Variants in MCTP2 observed in about 807,000 individuals in gnomAD.
MCTP2 encodes the protein multiple C2 and transmembrane domain containing 2, also known as multiple C2 and transmembrane domain-containing protein 2.
In MCTP2, 132 loss-of-function variants were observed where a neutral mutation model predicts 111.6. The ratio of observed to expected loss-of-function variants is 1.18; its 90% CI spans 1.03 to 1.37. MCTP2 has a LOEUF of 1.37. Ranked by LOEUF, MCTP2 falls within the 40% of genes most tolerant of loss-of-function variation. The pLI is 0.00. For missense variants in MCTP2, 1,183 were observed against 1,067.9 expected (o/e 1.11, Z -1.50); for synonymous variants, 395 against 387.7 (o/e 1.02, Z -0.22).
chr15:94,418,799 AACT>A (rs1252413234), intron 17 of MCTP2, among the ~76,000 whole-genome samples: 1 of 152,146 alleles, frequency 6.6e-6, no homozygotes, highest in Non-Finnish European at 1.5e-5. Flanking sequence ...AGAGAATAAA[AACT>A]AATAAGAAGT....
intron 13 of MCTP2, among the ~76,000 whole-genome samples, 189 bp from the exon 14 acceptor site, chr15:94,385,234 G>GGAAGATTTTT (rs2080389222): frequency 1.3e-5 from 2 of 152,082 alleles, no homozygotes; most frequent in Admixed American, 6.6e-5. Flanking sequence ...TCATATGGAT[G>GGAAGATTTTT]TCTGAATCTT....
At chr15:94,305,235 C>T (rs956112298) in intron 2 of MCTP2, among the ~76,000 whole-genome samples, 2 of 152,138 alleles carry the variant, frequency 1.3e-5, no homozygotes, top group African/African-American at 4.8e-5. Context: ...CTCTCATTCC[C>T]CACCATGTGA....
chr15:94,477,893 T>G lies in MCTP2; in HGVS notation c.2569-1073T>G, dbSNP rs2074497812. On this transcript the variant is annotated intron_variant, in intron 22 of 22. Coordinates refer to ENST00000357742, the MANE Select transcript of MCTP2 (RefSeq NM_001385001.1). ...AAATAATAACCCGGCCCCTGTTTGTTTTGCATTGAAGATTGACAGGTATGT... is the reference window on the plus strand; with the variant it reads ...AAATAATAACCCGGCCCCTGTTTGTGTTGCATTGAAGATTGACAGGTATGT... 2.0e-5 allele frequency among the ~76,000 whole-genome samples: 3 copies of G among 152,170 alleles called. 1 individual carries two copies. The South Asian group carries it at 6.2e-4, about 32-fold the overall frequency.
intron 12 of MCTP2, among the ~76,000 whole-genome samples, chr15:94,371,942 T>C (rs188602897): frequency 1.2e-3 from 190 of 152,318 alleles, no homozygotes; most frequent in Admixed American, 6.1e-3. Flanking sequence ...TTTATAAAGA[T>C]TGTTTCAGGC....
At chr15:94,470,865 T>A (rs2073868281) in intron 21 of MCTP2, among the ~76,000 whole-genome samples, 1 of 152,078 alleles carries the variant, frequency 6.6e-6, no homozygotes, top group Non-Finnish European at 1.5e-5. Context: ...TCATCCCTCT[T>A]GGAGAAAAAA....
intron 17 of MCTP2, among the ~76,000 whole-genome samples, chr15:94,434,093 C>A (rs1217149080): frequency 6.7e-6 from 1 of 149,122 alleles, no homozygotes; most frequent in Non-Finnish European, 1.5e-5. Flanking sequence ...TTGATGAAGT[C>A]TTTTTTTTTT....
At position 94,390,105 on chromosome 15, in the gene MCTP2, T is replaced by C. The variant is rs1307680194; in HGVS notation, c.1788+4580T>C. 1.6e-3 allele frequency among the ~76,000 whole-genome samples: 65 copies of C among 40,180 alleles called. 2 individuals carry two copies. Among genetic ancestry groups the C allele is most frequent in the African/African-American group, 3.6e-3 (62 of 17,174 alleles). The allele number at this position is 40,180 out of a possible 152,430, so 26.4% of individuals were successfully genotyped here. A position where few individuals can be genotyped will look rare whatever the true frequency, so the allele number is the denominator to read the frequency against. On this transcript the variant is annotated intron_variant, in intron 14 of 22. Transcript: ENST00000357742. ...ATATATATATGTATATATATATATA[T>C]ATATATATGTATATATATATATATA...
intron 10 of MCTP2, among the ~76,000 whole-genome samples, chr15:94,367,264 C>G (rs2079235453): frequency 6.6e-6 from 1 of 152,130 alleles, no homozygotes; most frequent in Non-Finnish European, 1.5e-5. Context: ...ATACAGCATG[C>G]TTACTCATAA....
At position 94,356,242 on chromosome 15, in the gene MCTP2, G is replaced by A; in HGVS notation, c.1111G>A (p.Gly371Arg). The change falls in exon 9 of 23, where the codon GGA becomes AGA. Residue 371 changes from glycine (G) to arginine (R), a missense_variant. Gly to Arg is a moderately radical substitution (Grantham distance 125). Transcript: ENST00000357742. The part of the protein sequence containing the change: ...TLLEGKNVSG[G>R]SMTEMFVQLK... ...GTTGGAAGGGAAGAATGTCTCAGGA[G>A]GAAGCATGACAGAGATGTTTGTCCA... 1 of 1,613,200 alleles carries A rather than the reference G, an allele frequency of 6.2e-7. No homozygotes were observed. Among genetic ancestry groups the A allele is most frequent in the Non-Finnish European group, 8.5e-7 (1 of 1,179,548 alleles).
intron 1 of MCTP2, among the ~76,000 whole-genome samples, chr15:94,233,340 C>A (rs1017495522): frequency 6.6e-6 from 1 of 151,982 alleles, no homozygotes; most frequent in Non-Finnish European, 1.5e-5. Flanking sequence ...TGTCTCTTAA[C>A]ATATTTTGAA....
In MCTP2 at chr15:94,257,569, G is replaced by GTTTTTTTTTTTTTTTTTTTTTTTTTTTTT. The variant is rs760633548; in HGVS notation, c.-66+25912_-66+25940dup. Among the ~76,000 whole-genome samples, 31 of 33,860 alleles carry GTTTTTTTTTTTTTTTTTTTTTTTTTTTTT rather than the reference G, an allele frequency of 9.2e-4. 5 individuals carry two copies. The highest frequency in any genetic ancestry group is 1.4e-3 in the Non-Finnish European group (25 of 18,310). The allele number at this position is 33,860 out of a possible 152,430, so 22.2% of individuals were successfully genotyped here. ...AATATTTGTTGTCATTTTCTTTGTT[G>GTTTTTTTTTTTTTTTTTTTTTTTTTTTTT]TTTTTTTTTTTTTTTTTTTTTTTTT... On this transcript the variant is annotated intron_variant, in intron 1 of 22. Coordinates refer to ENST00000357742, the MANE Select transcript of MCTP2 (RefSeq NM_001385001.1).
intron 10 of MCTP2, among the ~76,000 whole-genome samples, chr15:94,363,549 G>T (rs1478783206): frequency 1.3e-5 from 2 of 152,064 alleles, no homozygotes; most frequent in African/African-American, 4.8e-5. Context: ...TTGATGGAGT[G>T]GAAAAATCAG....
At chr15:94,388,080 G>T (rs899927764) in intron 14 of MCTP2, among the ~76,000 whole-genome samples, 1 of 152,210 alleles carries the variant, frequency 6.6e-6, no homozygotes, top group East Asian at 1.9e-4. Context: ...AGTGAAAAAG[G>T]TTGAAGTACT....
chr15:94,302,012 A>T (rs947009311), intron 2 of MCTP2, among the ~76,000 whole-genome samples: 1 of 152,178 alleles, frequency 6.6e-6, no homozygotes, highest in African/African-American at 2.4e-5. Flanking sequence ...AGGAGTTGGC[A>T]TGTGGCAAGC....
In MCTP2 at chr15:94,298,802, CTCCCCA is replaced by C. The variant is rs1445394633; in HGVS notation, c.465+75_465+80del. The stretch of plus-strand genomic sequence containing the variant: ...TCTCTTTCCCTCTCTTTCTCCCTCT[CTCCCCA>C]TCTCCCTCTCTCTTCCCCCCTCCCC... On this transcript the variant is annotated intron_variant, in intron 2 of 22. Coordinates refer to ENST00000357742, the MANE Select transcript of MCTP2 (RefSeq NM_001385001.1). 332 of 965,752 alleles carry C rather than the reference CTCCCCA, an allele frequency of 3.4e-4. 11 individuals carry two copies. The African/African-American group carries it at 4.9e-3, about 14-fold the overall frequency. 59.8% of individuals were successfully genotyped at this position (965,752 alleles called of 1,614,324 possible).
intron 12 of MCTP2, among the ~76,000 whole-genome samples, chr15:94,381,534 G>A (rs1295759938): frequency 6.6e-6 from 1 of 152,202 alleles, no homozygotes; most frequent in Non-Finnish European, 1.5e-5. Flanking sequence ...TGCCTCAACA[G>A]GACCAGGCAG....
At position 94,314,128 on chromosome 15, in the gene MCTP2, C is replaced by T. The variant is rs921402265; in HGVS notation, c.466-154C>T. 7.9e-5 allele frequency among the ~76,000 whole-genome samples: 12 copies of T among 152,240 alleles called. No individual in the cohort carries two copies. In the East Asian group the frequency reaches 9.6e-4, roughly 12 times the overall value. On this transcript the variant is annotated intron_variant, in intron 2 of 22. Coordinates refer to ENST00000357742, the MANE Select transcript of MCTP2 (RefSeq NM_001385001.1). Reference sequence around the variant, plus strand: ...AGCTAGGATGACACCTCTGCATCCACGTCTCCTTGCCACACAAACAGGAAG... The same window carrying T: ...AGCTAGGATGACACCTCTGCATCCATGTCTCCTTGCCACACAAACAGGAAG...
chr15:94,268,443 C>T (rs544291959), intron 1 of MCTP2, among the ~76,000 whole-genome samples: 71 of 148,500 alleles, frequency 4.8e-4, no homozygotes, highest in African/African-American at 1.4e-3. Flanking sequence ...CCACCTGCCT[C>T]GGCCTCCCAA....
At chr15:94,242,827 A>G (rs961509314) in intron 1 of MCTP2, among the ~76,000 whole-genome samples, 4 of 151,148 alleles carry the variant, frequency 2.6e-5, no homozygotes, top group African/African-American at 9.7e-5. Context: ...GTTTCTTGGT[A>G]GTTACCGTAT....
Sources: allele counts gnomAD v4.1 joint callset (sites outside exome capture counted in the v4.1 genomes callset), GRCh38; gene constraint gnomAD v4.1.1; transcripts MANE v1.5; gene names NCBI Gene and HGNC (gene_info 2026-07-23, HGNC 2026-07-21).